KCNAB1: variants seen among roughly 807,000 people sequenced by gnomAD.
KCNAB1 encodes voltage-gated potassium channel subunit beta-1.
In KCNAB1, 35 loss-of-function variants were observed where a neutral mutation model predicts 64.6. The ratio of observed to expected loss-of-function variants is 0.54; its 90% confidence interval spans 0.41 to 0.72. The LOEUF (loss-of-function observed/expected upper bound fraction) is 0.72. Ranked by LOEUF, KCNAB1 falls within the 30% of genes least tolerant of loss-of-function variation. The pLI is 0.00. For synonymous variants in KCNAB1, 177 were observed against 183.8 expected (o/e 0.96, Z 0.30); for missense variants, 401 against 512.9 (o/e 0.78, Z 2.11).
chr3:156,255,517 C>T (rs1718052498), intron 1 of KCNAB1, among the ~76,000 whole-genome samples: 1 of 152,172 alleles, frequency 6.6e-6, no homozygotes, highest in South Asian at 2.1e-4. Context: ...TTGACCCGAG[C>T]CTCTCTCCTG....
chr3:156,387,025 T>TC (rs1712664884), intron 1 of KCNAB1, among the ~76,000 whole-genome samples: 1 of 148,762 alleles, frequency 6.7e-6, no homozygotes, highest in South Asian at 2.1e-4. Context: ...TTTTTTTTTT[T>TC]TTTTTTTTTG....
intron 1 of KCNAB1, among the ~76,000 whole-genome samples, chr3:156,139,584 G>GTTTTGTTTTTTTT (rs1714574698): frequency 1.8e-5 from 1 of 55,248 alleles, no homozygotes; most frequent in East Asian, 5.9e-4. Context: ...ATTGTACTGT[G>GTTTTGTTTTTTTT]TTTTTTTTTT....
At chr3:156,319,030 A>T (rs1722481277) in intron 1 of KCNAB1, among the ~76,000 whole-genome samples, 1 of 152,222 alleles carries the variant, frequency 6.6e-6, no homozygotes, top group Admixed American at 6.5e-5. Flanking sequence ...AAATACAAAA[A>T]CAAAAGCAAA....
intron 1 of KCNAB1, among the ~76,000 whole-genome samples, chr3:156,243,115 G>C (rs2108451648): frequency 6.6e-6 from 1 of 152,056 alleles, no homozygotes; most frequent in Non-Finnish European, 1.5e-5. Flanking sequence ...TCACCATGTT[G>C]GTCAGGCTGG....
intron 11 of KCNAB1, among the ~76,000 whole-genome samples, chr3:156,523,494 G>A (rs6441074): frequency 0.37 from 55,453 of 151,812 alleles, 10,591 homozygotes; most frequent in Middle Eastern, 0.43. Context: ...ACATTCTAAA[G>A]TTGGGCTATC....
chr3:156,394,604 G>T (rs531118430), intron 1 of KCNAB1, among the ~76,000 whole-genome samples: 1 of 151,142 alleles, frequency 6.6e-6, no homozygotes, highest in Non-Finnish European at 1.5e-5. Flanking sequence ...AAAAAAAAAA[G>T]AATGTTTGAG....
chr3:156,244,505 G>A lies in KCNAB1; in HGVS notation c.275+123619G>A, dbSNP rs544964804. On this transcript the variant is annotated intron_variant, in intron 1 of 13. Transcript: ENST00000490337. ...TGGGGAGCAGGATGTGGATTTCTTT[G>A]GGGGTCACTGTTCTGACTGCCACAG... Among the ~76,000 whole-genome samples the A allele has an allele frequency of 2.6e-5, 4 of 152,262 alleles. No individual in the cohort carries two copies. The South Asian group carries it at 6.2e-4, about 24-fold the overall frequency.
chr3:156,486,121 C>T (rs900916217), intron 8 of KCNAB1, among the ~76,000 whole-genome samples: 2 of 152,106 alleles, frequency 1.3e-5, no homozygotes, highest in Non-Finnish European at 2.9e-5. Context: ...TTATTTGAGA[C>T]TATGTGAATA....
intron 2 of KCNAB1, among the ~76,000 whole-genome samples, chr3:156,431,667 C>A (rs1716219368): frequency 6.6e-6 from 1 of 152,196 alleles, no homozygotes. Flanking sequence ...GAATCAGAAA[C>A]CTTCCACAGT....
chr3:156,407,131 A>G (rs1461504883), intron 1 of KCNAB1, among the ~76,000 whole-genome samples: 1 of 152,202 alleles, frequency 6.6e-6, no homozygotes, highest in East Asian at 1.9e-4. Flanking sequence ...GCTGGTTGCT[A>G]GCAACCTGGC....
At chr3:156,509,621 C>CTCAACTCTAATAT in intron 8 of KCNAB1, among the ~76,000 whole-genome samples, 1 of 152,244 alleles carries the variant, frequency 6.6e-6, no homozygotes, top group African/African-American at 2.4e-5. Flanking sequence ...AATATGTAGT[C>CTCAACTCTAATAT]GGAGTTGAGA....
chr3:156,148,523 A>G (rs1715190061), intron 1 of KCNAB1, among the ~76,000 whole-genome samples: 1 of 152,220 alleles, frequency 6.6e-6, no homozygotes, highest in African/African-American at 2.4e-5. Flanking sequence ...TAGATACAAT[A>G]TGCTACTTAA....
At position 156,124,220 on chromosome 3, in the gene KCNAB1, T is replaced by C. The variant is rs959553398; in HGVS notation, c.275+3334T>C. ...TCTTAGGATCTATTTCTTTTCTTTT[T>C]TTTTTTTTCTTTTTGAGATGGAGTC... On this transcript the variant is annotated intron_variant, in intron 1 of 13. Transcript: ENST00000490337. Among the ~76,000 whole-genome samples the C allele has an allele frequency of 9.2e-5, 14 of 151,602 alleles. 1 individual carries two copies. Among genetic ancestry groups the C allele is most frequent in the African/African-American group, 1.4e-4 (6 of 41,392 alleles).
chr3:156,374,347 G>A (rs141788745), intron 1 of KCNAB1, among the ~76,000 whole-genome samples: 3 of 152,284 alleles, frequency 2.0e-5, no homozygotes, highest in African/African-American at 4.8e-5. Flanking sequence ...GGAGAGGAGC[G>A]AAAAACTAAC....
chr3:156,366,449 C>T (rs574631418), intron 1 of KCNAB1, among the ~76,000 whole-genome samples: 1 of 152,186 alleles, frequency 6.6e-6, no homozygotes, highest in African/African-American at 2.4e-5. Flanking sequence ...ACTAAGTGCT[C>T]AATAATCATT....
intron 1 of KCNAB1, among the ~76,000 whole-genome samples, chr3:156,250,495 G>A (rs564890912): frequency 5.6e-4 from 86 of 152,252 alleles, no homozygotes; most frequent in African/African-American, 2.0e-3. Context: ...TATTCATTCA[G>A]CAAGCTTTTT....
At chr3:156,258,907 G>A (rs1237004795) in intron 1 of KCNAB1, among the ~76,000 whole-genome samples, 2 of 152,200 alleles carry the variant, frequency 1.3e-5, no homozygotes, top group Non-Finnish European at 2.9e-5. Context: ...CTGTAGAATG[G>A]CAAATCCCCC....
chr3:156,295,319 G>C (rs946549444), intron 1 of KCNAB1, among the ~76,000 whole-genome samples: 5 of 152,096 alleles, frequency 3.3e-5, no homozygotes, highest in African/African-American at 1.2e-4. Flanking sequence ...TGGCAGCTGA[G>C]GACCTACTTG....
intron 1 of KCNAB1, among the ~76,000 whole-genome samples, chr3:156,304,469 A>T (rs1490711689): frequency 6.6e-6 from 1 of 152,230 alleles, no homozygotes; most frequent in Non-Finnish European, 1.5e-5. Flanking sequence ...GACTTTTGAT[A>T]TCAATTCTAA....
Sources: gnomAD v4.1 joint callset for allele counts (sites outside exome capture counted in the v4.1 genomes callset) on GRCh38, gnomAD v4.1.1 for gene constraint, MANE v1.5 for transcripts, NCBI Gene and HGNC (gene_info 2026-07-23, HGNC 2026-07-21) for gene names.